PDE10A: variants seen among roughly 807,000 people sequenced by gnomAD.
The protein encoded by PDE10A is phosphodiesterase 10A.
Under a neutral mutation model 97.7 loss-of-function variants are expected in PDE10A, and 39 were observed. That is an observed-to-expected ratio of 0.40 (90% CI 0.31 to 0.52). The LOEUF (loss-of-function observed/expected upper bound fraction) is 0.52. Among genes scored for constraint, PDE10A ranks in the 20% least tolerant of loss-of-function variants. The probability of loss-of-function intolerance (pLI) is 0.56; values close to 1 mark genes in which losing one functional copy is unlikely to be tolerated. For synonymous variants in PDE10A, 371 were observed against 376.8 expected, an observed-to-expected ratio of 0.98 and a Z score of 0.18; for missense variants, 731 against 1,047.8, an observed-to-expected ratio of 0.70 and a Z score of 4.17.
chr6:165,890,268 T>C (rs542466227), intron 1 of PDE10A, among the ~76,000 whole-genome samples: 1 of 152,158 alleles, frequency 6.6e-6, no homozygotes, highest in East Asian at 1.9e-4. Context: ...TCTTTCCCAC[T>C]TGATGGCAGC....
intron 1 of PDE10A, among the ~76,000 whole-genome samples, chr6:165,883,502 T>G (rs1009902): frequency 0.45 from 67,352 of 149,102 alleles, 15,770 homozygotes; most frequent in East Asian, 0.68. Flanking sequence ...ACCACGCCAC[T>G]GCACTCCAGC....
At chr6:165,722,775 G>C (rs1013177090) in intron 1 of PDE10A, among the ~76,000 whole-genome samples, 2 of 152,040 alleles carry the variant, frequency 1.3e-5, no homozygotes, top group African/African-American at 2.4e-5. Context: ...TCCTGCTACT[G>C]AGCCTGCGAA....
At chr6:165,910,906 A>T (rs1782436369) in intron 1 of PDE10A, 1 of 152,176 alleles carries the variant, frequency 6.6e-6, no homozygotes, top group Non-Finnish European at 1.5e-5. Context: ...CAGAGATACG[A>T]TGGGACTGGT....
chr6:165,806,286 G>A (rs916050722), intron 1 of PDE10A, among the ~76,000 whole-genome samples: 1 of 152,080 alleles, frequency 6.6e-6, no homozygotes, highest in African/African-American at 2.4e-5. Context: ...TTCCACATGG[G>A]ACCCGCCTGT....
chr6:165,356,058 G>A (rs1783002820), intron 18 of PDE10A, among the ~76,000 whole-genome samples: 1 of 152,128 alleles, frequency 6.6e-6, no homozygotes, highest in Non-Finnish European at 1.5e-5. Flanking sequence ...AGCAAGCAAA[G>A]TGGGAGGTGC....
intron 1 of PDE10A, among the ~76,000 whole-genome samples, chr6:165,717,328 C>T (rs909078279): frequency 5.3e-5 from 8 of 152,166 alleles, no homozygotes; most frequent in African/African-American, 1.7e-4. Flanking sequence ...CAGTGGCTCA[C>T]GCCTCTAATC....
At chr6:165,919,867 G>A (rs1017074292) in intron 1 of PDE10A, among the ~76,000 whole-genome samples, 7 of 152,178 alleles carry the variant, frequency 4.6e-5, no homozygotes, top group African/African-American at 1.7e-4. Context: ...GAAGCAGAAC[G>A]TGCCCTTCTT....
intron 2 of PDE10A, among the ~76,000 whole-genome samples, chr6:165,516,558 A>T (rs1472713989): frequency 6.6e-6 from 1 of 152,184 alleles, no homozygotes; most frequent in East Asian, 1.9e-4. Flanking sequence ...AAAAGCCCTT[A>T]ATGATCTGAC....
intron 1 of PDE10A, among the ~76,000 whole-genome samples, chr6:165,659,091 C>T (rs889577110): frequency 2.6e-5 from 4 of 152,128 alleles, no homozygotes; most frequent in Admixed American, 1.3e-4. Context: ...GCGAACCAGC[C>T]GGTCAGTGTG....
At chr6:165,494,624 C>T (rs1179295021) in intron 2 of PDE10A, among the ~76,000 whole-genome samples, 3 of 151,814 alleles carry the variant, frequency 2.0e-5, no homozygotes, top group Non-Finnish European at 2.9e-5. Flanking sequence ...TTGAAAACCA[C>T]ATTTTGCATT....
intron 1 of PDE10A, among the ~76,000 whole-genome samples, chr6:165,874,001 C>A (rs1206482707): frequency 6.6e-6 from 1 of 152,116 alleles, no homozygotes. Context: ...CTCTAAGGGA[C>A]AAAGGGTGAA....
intron 13 of PDE10A, among the ~76,000 whole-genome samples, chr6:165,411,476 T>A (rs1415071924): frequency 1.3e-5 from 2 of 152,090 alleles, no homozygotes; most frequent in African/African-American, 4.8e-5. Context: ...AAGGCGGCCA[T>A]CTGCAAACCA....
chr6:165,537,212 C>T (rs929270490), intron 2 of PDE10A, among the ~76,000 whole-genome samples: 2 of 151,988 alleles, frequency 1.3e-5, no homozygotes, highest in East Asian at 1.9e-4. Flanking sequence ...TGTTCTTACT[C>T]ATATGTGAGA....
intron 1 of PDE10A, among the ~76,000 whole-genome samples, chr6:165,715,005 C>T (rs1791991034): frequency 6.6e-6 from 1 of 152,260 alleles, no homozygotes; most frequent in Non-Finnish European, 1.5e-5. Context: ...ACTGAGAGCT[C>T]TGGGTGCACA....
intron 1 of PDE10A, among the ~76,000 whole-genome samples, chr6:165,603,994 A>G (rs1282740557): frequency 6.6e-6 from 1 of 152,214 alleles, no homozygotes; most frequent in Non-Finnish European, 1.5e-5. Flanking sequence ...TCTAGGACAC[A>G]TAGAAAGTGT....
At chr6:165,931,645 G>C (rs1358361630) in intron 1 of PDE10A, among the ~76,000 whole-genome samples, 1 of 152,246 alleles carries the variant, frequency 6.6e-6, no homozygotes, top group African/African-American at 2.4e-5. Context: ...GCCCTCCAGA[G>C]TCGCATCTGA....
chr6:165,426,465 C>T (rs7742472), intron 10 of PDE10A, among the ~76,000 whole-genome samples: 1 of 152,014 alleles, frequency 6.6e-6, no homozygotes, highest in East Asian at 1.9e-4. Flanking sequence ...ACATCATATA[C>T]AAAAGTTAAC....
rs564888886 is a variant in PDE10A, at chr6:165,635,458, T to A, written c.865+26489A>T. ...ATGGGGTTTGTCTTCATGGTGCAAG[T>A]CAAGTGGGGTGTGAGTGTGTGTGTG... On this transcript the variant is annotated intron_variant, in intron 1 of 21. Transcript: ENST00000539869. Among the ~76,000 whole-genome samples, 21 of 148,584 alleles carry A rather than the reference T, an allele frequency of 1.4e-4. No individual in the cohort carries two copies. In the Middle Eastern group the frequency reaches 0.01, roughly 72 times the overall value.
At chr6:165,358,468 T>A (rs188507991) in intron 18 of PDE10A, among the ~76,000 whole-genome samples, 14 of 152,062 alleles carry the variant, frequency 9.2e-5, no homozygotes, top group African/African-American at 3.4e-4. Flanking sequence ...CAATGTTTCC[T>A]ATCTTAAAGA....
Sources: gnomAD v4.1 joint callset for allele counts (sites outside exome capture counted in the v4.1 genomes callset) on GRCh38, gnomAD v4.1.1 for gene constraint, MANE v1.5 for transcripts, NCBI Gene and HGNC (gene_info 2026-07-23, HGNC 2026-07-21) for gene names.